TUBGCP2: variants seen among roughly 807,000 people sequenced by gnomAD.
TUBGCP2 encodes the protein gamma-tubulin complex component 2.
TUBGCP2 carries 55 observed loss-of-function variants against 92.2 expected under a neutral mutation model. The ratio of observed to expected loss-of-function variants is 0.60; its 90% CI spans 0.48 to 0.75. The LOEUF is 0.75. Among genes scored for constraint, TUBGCP2 ranks in the 30% least tolerant of loss-of-function variants. The pLI, the probability that TUBGCP2 is intolerant of heterozygous loss-of-function variation, is 0.00. For synonymous variants in TUBGCP2, 533 were observed against 505.2 expected (o/e 1.06, Z -0.74); for missense variants, 1,093 against 1,188.9 (o/e 0.92, Z 1.19).
chr10:133,279,688 A>G lies in TUBGCP2; in HGVS notation c.*78T>C. ...AAACTGCAAAGACAGAACACAGAGC[A>G]TTCGATTTGAAAATTCTGGACCCAT... is the stretch of plus-strand genomic sequence containing the variant. On this transcript the variant is annotated 3_prime_UTR_variant, in exon 18 of 18. Transcript: ENST00000252936. The G allele has an allele frequency of 6.8e-7, 1 of 1,465,632 alleles. No homozygotes were observed. Among genetic ancestry groups the G allele is most frequent in the Non-Finnish European group, 9.0e-7 (1 of 1,105,774 alleles). The allele number at this position is 1,465,632 out of a possible 1,614,324, so 90.8% of individuals were successfully genotyped here. A position where few individuals can be genotyped will look rare whatever the true frequency, so the allele number is the denominator to read the frequency against.
At chr10:133,310,267 A>G, upstream of TUBGCP2, 1 of 1,614,008 alleles carries the variant, frequency 6.2e-7, no homozygotes, top group Non-Finnish European at 8.5e-7. Flanking sequence ...TTCCGGTTTG[A>G]TAAGCCAAAG....
upstream of TUBGCP2, chr10:133,309,842 G>A (rs777670947): frequency 1.2e-6 from 2 of 1,613,788 alleles, no homozygotes; most frequent in Non-Finnish European, 1.7e-6. Context: ...ACGACTACGA[G>A]CACCACTACC....
chr10:133,284,200 C>T (rs530205262), intron 13 of TUBGCP2, among the ~76,000 whole-genome samples, 198 bp from the exon 14 acceptor site: 17 of 152,336 alleles, frequency 1.1e-4, no homozygotes, highest in Non-Finnish European at 1.8e-4. Context: ...AAGCTGTCAC[C>T]GTCTACCAAC....
chr10:133,293,429 G>T, intron 6 of TUBGCP2, 133 bp downstream of exon 6: 1 of 1,231,414 alleles, frequency 8.1e-7, no homozygotes, highest in Non-Finnish European at 1.1e-6. Flanking sequence ...CCAAAACTGA[G>T]TTGGGCACGG....
At chr10:133,290,679 C>T (rs1004850818) in intron 8 of TUBGCP2, 4 of 152,022 alleles carry the variant, frequency 2.6e-5, no homozygotes, top group Non-Finnish European at 1.5e-5. Flanking sequence ...GCCCAGGCAA[C>T]AAAATGATGC....
chr10:133,301,876 A>G (rs1286383431), intron 2 of TUBGCP2: 4 of 151,368 alleles, frequency 2.6e-5, no homozygotes, highest in African/African-American at 9.7e-5. Context: ...CACCACACCC[A>G]GCTAATTTTT....
chr10:133,311,573 CTATAAAA>C (rs1847988707), upstream of TUBGCP2: 6 of 689,624 alleles, frequency 8.7e-6, no homozygotes, highest in Admixed American at 1.7e-4. Flanking sequence ...TTAAACCACA[CTATAAAA>C]TCAGACTATG....
chr10:133,301,700 C>CTTTTTTTTTTTTTTTTTTTTTTTTTTTT (rs71016439), intron 2 of TUBGCP2: 2 of 87,254 alleles, frequency 2.3e-5, no homozygotes, highest in African/African-American at 1.0e-4. Context: ...CAGTCCCTCC[C>CTTTTTTTTTTTTTTTTTTTTTTTTTTTT]TTTTTTTTTT....
rs1564935683 is a variant in TUBGCP2 at position 133,285,412 on chromosome 10, AC to A, written c.1895+43del. 6.2e-7 allele frequency: 1 copy of A among 1,612,302 alleles called. No individual in the cohort carries two copies. Among genetic ancestry groups the A allele is most frequent in the Non-Finnish European group, 8.5e-7 (1 of 1,179,666 alleles). On this transcript the variant is annotated intron_variant, in intron 12 of 17. Transcript: ENST00000252936. This position sits in a 1 kb window ranked among gnomAD's most constrained non-coding sequence, Gnocchi z 6.8. ...GTGGCACAGTTCTCGCTTCTGCCAA[AC>A]CTGAGTGAAGATCTGGCAGGTGCCC...
At chr10:133,281,522 C>T in intron 16 of TUBGCP2, 86 bp from the exon 17 acceptor site, 3 of 1,475,296 alleles carry the variant, frequency 2.0e-6, no homozygotes, top group East Asian at 4.7e-5. Context: ...AGGCCGGTGT[C>T]CTTTCCCTTC....
At chr10:133,305,591 T>G (rs1847794910) in intron 1 of TUBGCP2, among the ~76,000 whole-genome samples, 1 of 152,014 alleles carries the variant, frequency 6.6e-6, no homozygotes, top group Non-Finnish European at 1.5e-5. Context: ...GTGGGGCTGG[T>G]CCCTACAATA....
chr10:133,283,890 G>A lies in TUBGCP2; in HGVS notation c.2137C>T (p.Leu713=), dbSNP rs766573675. 1.9e-6 allele frequency: 3 copies of A among 1,613,964 alleles called. No homozygotes were observed. The highest frequency in any genetic ancestry group is 2.2e-5 in the South Asian group (2 of 91,052). The part of the protein sequence containing the change: ...EPTWHILEKN[L]KSASNIDDVL... ...GTGGAGCTAAAACTCACGGATTTCA[G>A]GTTTTTCTCCAGGATGTGCCAGGTC... The change falls in exon 14 of 18, where the codon CTG becomes TTG. Residue 713 remains leucine, a synonymous_variant. Coordinates refer to ENST00000252936, the MANE Select transcript of TUBGCP2 (RefSeq NM_006659.4).
At chr10:133,307,372 A>G (rs1471849762) in intron 1 of TUBGCP2, among the ~76,000 whole-genome samples, 3 of 152,192 alleles carry the variant, frequency 2.0e-5, no homozygotes, top group Non-Finnish European at 4.4e-5. Context: ...GTGAGCACAC[A>G]CTCCAAGTGA....
chr10:133,284,001 A>G lies in TUBGCP2; in HGVS notation c.2026T>C (p.Phe676Leu), dbSNP rs752025289. 3 of 1,613,384 alleles carry G rather than the reference A, an allele frequency of 1.9e-6. No homozygotes were observed. The highest frequency in any genetic ancestry group is 2.5e-6 in the Non-Finnish European group (3 of 1,179,770). Residue 676 changes from phenylalanine to leucine, a missense_variant and splice_region_variant, in exon 14 of 18, where the codon TTT becomes CTT. By Grantham distance (22) the Phe-to-Leu change is conservative. Coordinates refer to ENST00000252936, the MANE Select transcript of TUBGCP2 (RefSeq NM_006659.4). ...TGCCGCAGAGTGAAAGCCCCAGCAAACCTGAGTGACACGGAGGACGGAGGA... is the reference window on the plus strand; with the variant it reads ...TGCCGCAGAGTGAAAGCCCCAGCAAGCCTGAGTGACACGGAGGACGGAGGA... ...KQHSLHSAQW[F>L]AGAFTLRQRM...
upstream of TUBGCP2, chr10:133,311,581 T>G: frequency 1.3e-6 from 1 of 748,550 alleles, no homozygotes; most frequent in East Asian, 2.6e-5. Context: ...CACTATAAAA[T>G]CAGACTATGC....
At chr10:133,303,080 C>A in intron 1 of TUBGCP2, 100 bp from the exon 2 acceptor site, 1 of 1,123,674 alleles carries the variant, frequency 8.9e-7, no homozygotes, top group Non-Finnish European at 1.3e-6. Context: ...TTTGACAAAC[C>A]AAGTTATCAC....
chr10:133,312,173 CGTCTGCGTT>C, upstream of TUBGCP2: 2 of 1,416,626 alleles, frequency 1.4e-6, no homozygotes, highest in South Asian at 3.1e-5. Flanking sequence ...TCACCTGTGC[CGTCTGCGTT>C]TCTAGCGTCA....
At chr10:133,299,358 T>C (rs1283531540) in intron 4 of TUBGCP2, 69 bp downstream of exon 4, 2 of 1,367,620 alleles carry the variant, frequency 1.5e-6, no homozygotes, top group Non-Finnish European at 2.0e-6. Flanking sequence ...TGAGTGTGGG[T>C]GCCTGTGGAC....
At chr10:133,306,810 A>G (rs778685251) in intron 1 of TUBGCP2, among the ~76,000 whole-genome samples, 3 of 151,774 alleles carry the variant, frequency 2.0e-5, no homozygotes, top group Non-Finnish European at 2.9e-5. Flanking sequence ...TAAAAAAAAT[A>G]AAAACTACCT....
Sources: gnomAD v4.1 joint callset for allele counts (sites outside exome capture counted in the v4.1 genomes callset) on GRCh38, gnomAD v4.1.1 for gene constraint, Gnocchi (gnomAD v3.1) non-coding constraint, MANE v1.5 for transcripts, NCBI Gene and HGNC (gene_info 2026-07-23, HGNC 2026-07-21) for gene names.